PRKAG2: variants seen among roughly 807,000 people sequenced by gnomAD.
PRKAG2 encodes the protein 5'-AMP-activated protein kinase subunit gamma-2.
PRKAG2 carries 26 observed loss-of-function variants against 69.6 expected under a neutral mutation model. That is an observed-to-expected ratio of 0.37 (90% CI 0.27 to 0.52). The LOEUF (loss-of-function observed/expected upper bound fraction) is 0.52. PRKAG2 is among the 20% of genes least tolerant of loss of function. The pLI, the probability that PRKAG2 is intolerant of heterozygous loss-of-function variation, is 0.90. For missense variants in PRKAG2, 557 were observed against 740.0 expected (o/e 0.75, Z 2.87); for synonymous variants, 293 against 285.0 (o/e 1.03, Z -0.28).
At chr7:151,711,218 T>C (rs982231700) in intron 3 of PRKAG2, among the ~76,000 whole-genome samples, 7 of 151,802 alleles carry the variant, frequency 4.6e-5, no homozygotes, top group African/African-American at 1.7e-4. Context: ...GGATCAACAG[T>C]GCTAGGCTTA....
At chr7:151,558,188 T>C (rs1804186977) in intron 15 of PRKAG2, 1 of 985,428 alleles carries the variant, frequency 1.0e-6, no homozygotes, top group East Asian at 1.1e-4. Context: ...CTAAAAACTT[T>C]TTTGAGAAAG....
rs780864954 is a variant in PRKAG2, at chr7:151,876,554, T to G, written c.67A>C (p.Lys23Gln). Residue 23 changes from lysine to glutamine, a missense_variant, in exon 1 of 16, where the codon AAG becomes CAG. Physicochemically the swap from Lys to Gln is moderately conservative, Grantham distance 53 (BLOSUM62 1). Transcript: ENST00000287878. ...DVSSPGGSGG[K>Q]KNASQKRRSL... ...CGCCTCTTCTGGCTGGCATTTTTCT[T>G]GCCGCCGCTCCCGCCGGGGCTGGAA... 3.7e-6 allele frequency: 6 copies of G among 1,609,566 alleles called. No homozygotes were observed. The highest frequency in any genetic ancestry group is 3.3e-5 in the Admixed American group (2 of 59,994).
chr7:151,779,587 G>T (rs570298981), intron 3 of PRKAG2, among the ~76,000 whole-genome samples: 1 of 152,192 alleles, frequency 6.6e-6, no homozygotes, highest in Non-Finnish European at 1.5e-5. Context: ...TCTCCGCCCC[G>T]CTCAGAAAGC....
At chr7:151,615,850 C>G (rs919025218) in intron 5 of PRKAG2, among the ~76,000 whole-genome samples, 2 of 152,210 alleles carry the variant, frequency 1.3e-5, no homozygotes, top group African/African-American at 4.8e-5. Context: ...AAATGCAAAT[C>G]AAAACCCTTG....
In PRKAG2 at chr7:151,760,085, T is replaced by A. The variant is rs892285789; in HGVS notation, c.466+21067A>T. On this transcript the variant is annotated intron_variant, in intron 3 of 15. Coordinates refer to ENST00000287878, the MANE Select transcript of PRKAG2 (RefSeq NM_016203.4). The stretch of plus-strand genomic sequence containing the variant: ...ATCAAAGATTAGCCTTTTCTTTTTT[T>A]AAAAAAGGAAGCTGAGATGGGAGGC... Among the ~76,000 whole-genome samples, 6 of 152,102 alleles carry A rather than the reference T, an allele frequency of 3.9e-5. No individual in the cohort carries two copies. In the East Asian group the frequency reaches 5.8e-4, roughly 15 times the overall value.
chr7:151,627,897 T>C (rs1407298527), intron 5 of PRKAG2, among the ~76,000 whole-genome samples: 2 of 152,104 alleles, frequency 1.3e-5, no homozygotes, highest in Admixed American at 6.5e-5. Context: ...CTCCTGGCCT[T>C]AAGCAATCTT....
intron 2 of PRKAG2, among the ~76,000 whole-genome samples, chr7:151,786,210 T>C (rs1267699796): frequency 6.6e-6 from 1 of 152,128 alleles, no homozygotes; most frequent in Non-Finnish European, 1.5e-5. Context: ...GGGGGTCTAG[T>C]GGGCCACAGT....
chr7:151,691,470 C>CA (rs1412437413), intron 3 of PRKAG2, among the ~76,000 whole-genome samples: 28 of 106,908 alleles, frequency 2.6e-4, no homozygotes, highest in Admixed American at 2.6e-3. Context: ...ACAACAACAA[C>CA]AAAAAAAACT....
At chr7:151,623,445 T>C (rs907947240) in intron 5 of PRKAG2, among the ~76,000 whole-genome samples, 18 of 144,278 alleles carry the variant, frequency 1.2e-4, no homozygotes, top group African/African-American at 4.4e-4. Flanking sequence ...CACAATAGGG[T>C]TCGCGCTCCT....
chr7:151,610,054 C>G (rs761383972), intron 5 of PRKAG2, among the ~76,000 whole-genome samples: 3 of 152,184 alleles, frequency 2.0e-5, no homozygotes, highest in African/African-American at 7.2e-5. Flanking sequence ...TCAACATACA[C>G]AGGGACTGCT....
rs371505983 is a variant in PRKAG2 at position 151,807,477 on chromosome 7, C to T, written c.115-20936G>A. ...GCCTCTTGGTGCCAAAGCACCATGG[C>T]GTGTTACACCTATCAGATCGGGCAC... is the stretch of plus-strand genomic sequence containing the variant. On this transcript the variant is annotated intron_variant, in intron 1 of 15. Transcript: ENST00000287878. This position sits in a 1 kb window ranked among gnomAD's most constrained non-coding sequence, Gnocchi z 4.4. The T allele has an allele frequency of 9.8e-5, 45 of 457,886 alleles. No homozygotes were observed. The highest frequency in any genetic ancestry group is 2.0e-4 in the South Asian group (13 of 64,566). The allele number at this position is 457,886 out of a possible 1,614,324, so 28.4% of individuals were successfully genotyped here.
At chr7:151,647,743 TAAG>T (rs1258869976) in intron 4 of PRKAG2, among the ~76,000 whole-genome samples, 1 of 152,184 alleles carries the variant, frequency 6.6e-6, no homozygotes, top group Non-Finnish European at 1.5e-5. Context: ...GGATTGCATG[TAAG>T]AAGTGAATGT....
chr7:151,802,962 A>ATATTT (rs1554605694), intron 1 of PRKAG2, among the ~76,000 whole-genome samples: 19 of 131,568 alleles, frequency 1.4e-4, no homozygotes, highest in African/African-American at 5.2e-4. Context: ...ATATATATAT[A>ATATTT]TTTTTTTTTT....
chr7:151,730,485 G>A (rs1798751775), intron 3 of PRKAG2, among the ~76,000 whole-genome samples: 1 of 152,084 alleles, frequency 6.6e-6, no homozygotes, highest in Non-Finnish European at 1.5e-5. Flanking sequence ...GGGCAACATA[G>A]GGAAACCCCG....
At chr7:151,696,019 C>A (rs1437489653) in intron 3 of PRKAG2, among the ~76,000 whole-genome samples, 2 of 152,152 alleles carry the variant, frequency 1.3e-5, no homozygotes, top group East Asian at 3.9e-4. Context: ...GGGCCTGATG[C>A]CGGCATAAGG....
intron 3 of PRKAG2, among the ~76,000 whole-genome samples, chr7:151,706,025 G>A (rs966765962): frequency 3.3e-5 from 5 of 152,164 alleles, no homozygotes; most frequent in African/African-American, 7.2e-5. Flanking sequence ...AAGATGAAAC[G>A]ACAGGTATGT....
intron 1 of PRKAG2, among the ~76,000 whole-genome samples, chr7:151,867,276 C>T (rs1234974284): frequency 2.0e-5 from 3 of 152,166 alleles, no homozygotes; most frequent in Non-Finnish European, 2.9e-5. Context: ...TGTGATAATG[C>T]GGCACCACAT....
chr7:151,833,115 G>T (rs2079074924), intron 1 of PRKAG2, among the ~76,000 whole-genome samples: 1 of 152,232 alleles, frequency 6.6e-6, no homozygotes, highest in Admixed American at 6.5e-5. Flanking sequence ...AAAATAAAAA[G>T]CTAATTTCAT....
At chr7:151,866,905 T>C (rs1459011125) in intron 1 of PRKAG2, among the ~76,000 whole-genome samples, 1 of 149,034 alleles carries the variant, frequency 6.7e-6, no homozygotes, top group Admixed American at 6.7e-5. Context: ...TAAGTCTTGG[T>C]GGCCACCCAG....
Sources: allele counts gnomAD v4.1 joint callset (sites outside exome capture counted in the v4.1 genomes callset), GRCh38; gene constraint gnomAD v4.1.1; non-coding constraint Gnocchi (gnomAD v3.1); transcripts MANE v1.5; gene names NCBI Gene and HGNC (gene_info 2026-07-23, HGNC 2026-07-21).